The following MACROD2 variants were observed in gnomAD, a reference collection of about 807,000 sequenced individuals.
The protein encoded by MACROD2 is mono-ADP ribosylhydrolase 2, also known as ADP-ribose glycohydrolase MACROD2.
Under a neutral mutation model 70.4 loss-of-function variants are expected in MACROD2, and 36 were observed. The observed-to-expected ratio is 0.51, with a 90% CI of 0.39 to 0.68. The LOEUF is 0.68. MACROD2 is among the 30% of genes least tolerant of loss of function. MACROD2 has a pLI of 0.00. For synonymous variants in MACROD2, 172 were observed against 178.8 expected (o/e 0.96, Z 0.30); for missense variants, 496 against 538.4 (o/e 0.92, Z 0.78).
At chr20:15,550,522 T>C (rs2048081154) in intron 8 of MACROD2, among the ~76,000 whole-genome samples, 1 of 152,106 alleles carries the variant, frequency 6.6e-6, no homozygotes, top group Non-Finnish European at 1.5e-5. Flanking sequence ...CAGGATGGTG[T>C]CCTCCATATT....
chr20:14,632,104 G>T (rs536404132), intron 4 of MACROD2, among the ~76,000 whole-genome samples: 1 of 151,662 alleles, frequency 6.6e-6, no homozygotes, highest in South Asian at 2.1e-4. Context: ...CTGGCTATAA[G>T]GAATATTGAT....
At chr20:15,500,487 G>A (rs544163062) in intron 8 of MACROD2, among the ~76,000 whole-genome samples, 4 of 152,292 alleles carry the variant, frequency 2.6e-5, no homozygotes, top group African/African-American at 7.2e-5. Flanking sequence ...AGACCGTGGA[G>A]CGTTAAATTT....
At chr20:14,918,558 CT>C (rs1307759364) in intron 5 of MACROD2, among the ~76,000 whole-genome samples, 1 of 151,382 alleles carries the variant, frequency 6.6e-6, no homozygotes, top group African/African-American at 2.4e-5. Context: ...AAATGTATTC[CT>C]CTAAAGTCAT....
intron 5 of MACROD2, among the ~76,000 whole-genome samples, chr20:14,986,660 G>A (rs2074851508): frequency 6.6e-6 from 1 of 152,142 alleles, no homozygotes; most frequent in Non-Finnish European, 1.5e-5. Flanking sequence ...AAATCTTACT[G>A]TGAGCCTGAA....
intron 5 of MACROD2, among the ~76,000 whole-genome samples, chr20:14,980,398 C>G (rs1359533701): frequency 6.6e-6 from 1 of 152,124 alleles, no homozygotes; most frequent in Non-Finnish European, 1.5e-5. Flanking sequence ...ACCAGCAAGA[C>G]GGCCCTCACC....
intron 8 of MACROD2, among the ~76,000 whole-genome samples, chr20:15,676,946 C>G (rs1264253691): frequency 6.6e-6 from 1 of 152,180 alleles, no homozygotes; most frequent in Admixed American, 6.5e-5. Flanking sequence ...GGGTTCATCT[C>G]CTTGATGGGG....
chr20:15,982,470 C>T (rs2066415477), intron 13 of MACROD2, among the ~76,000 whole-genome samples: 1 of 152,056 alleles, frequency 6.6e-6, no homozygotes, highest in Admixed American at 6.5e-5. Flanking sequence ...ATGTGTGGAC[C>T]AGTCAGCTTC....
intron 5 of MACROD2, among the ~76,000 whole-genome samples, chr20:14,973,225 CTTTTTTTT>C (rs1223038135): frequency 1.2e-5 from 1 of 85,714 alleles, no homozygotes; most frequent in Admixed American, 1.4e-4. Flanking sequence ...TGAGTAGTTG[CTTTTTTTT>C]TTTTTTTTTT....
Position 15,691,948 on chromosome 20 carries a change from A to G in MACROD2, c.646-170797A>G, listed in dbSNP as rs550702319. ...CACCTGCAGAGAATATTCTGATCAT[A>G]TAGTTTTCAAGTACCGGACCTCGGT... On this transcript the variant is annotated intron_variant, in intron 8 of 17. Coordinates refer to ENST00000684519, the MANE Select transcript of MACROD2 (RefSeq NM_001351661.2). Among the ~76,000 whole-genome samples, 33 of 152,336 alleles carry G rather than the reference A, an allele frequency of 2.2e-4. 1 individual carries two copies. The highest frequency in any genetic ancestry group is 7.2e-4 in the African/African-American group (30 of 41,578).
In MACROD2 at chr20:15,338,161, C is replaced by T. The variant is rs148226551; in HGVS notation, c.541-93244C>T. Among the ~76,000 whole-genome samples the T allele has an allele frequency of 1.2e-3, 185 of 151,666 alleles. 7 individuals are homozygous for T. Among genetic ancestry groups the T allele is most frequent in the African/African-American group, 4.3e-3 (175 of 41,014 alleles). ...ATCTGCCTCTCTCTTCTCTTCTCCT[C>T]GCTAAACACAGACACAAACCCCAAT... On this transcript the variant is annotated intron_variant, in intron 6 of 17. Coordinates refer to ENST00000684519, the MANE Select transcript of MACROD2 (RefSeq NM_001351661.2).
At chr20:14,625,315 G>A (rs868168625) in intron 4 of MACROD2, among the ~76,000 whole-genome samples, 5 of 151,836 alleles carry the variant, frequency 3.3e-5, no homozygotes, top group South Asian at 2.1e-4. Flanking sequence ...TGACAAGAGC[G>A]AAACTCAGTC....
At chr20:13,996,650 C>G (rs1255831389) in intron 1 of MACROD2, among the ~76,000 whole-genome samples, 1 of 152,126 alleles carries the variant, frequency 6.6e-6, no homozygotes, top group Non-Finnish European at 1.5e-5. Flanking sequence ...GATCCAGCGT[C>G]TCCCACCAAG....
At chr20:14,793,946 T>G (rs960716586) in intron 5 of MACROD2, among the ~76,000 whole-genome samples, 3 of 152,066 alleles carry the variant, frequency 2.0e-5, no homozygotes, top group Non-Finnish European at 2.9e-5. Flanking sequence ...TTCTCCTGCC[T>G]GCCAGTTTCA....
chr20:14,498,431 T>C lies in MACROD2; in HGVS notation c.301+4923T>C, dbSNP rs954743197. Among the ~76,000 whole-genome samples, 2 of 152,246 alleles carry C rather than the reference T, an allele frequency of 1.3e-5. 1 individual carries two copies. Among genetic ancestry groups the C allele is most frequent in the Admixed American group, 1.3e-4 (2 of 15,280 alleles). On this transcript the variant is annotated intron_variant, in intron 4 of 17. Transcript: ENST00000684519. Reference sequence around the variant, plus strand: ...GTGCATACATTCATTCAGCAAATATTAATTGAGTTACTATTGTTTGTCAGT... The same window carrying C: ...GTGCATACATTCATTCAGCAAATATCAATTGAGTTACTATTGTTTGTCAGT...
intron 5 of MACROD2, among the ~76,000 whole-genome samples, chr20:15,141,139 G>A (rs984256069): frequency 2.0e-5 from 3 of 151,362 alleles, no homozygotes; most frequent in Non-Finnish European, 4.4e-5. Context: ...TTTGCATAAG[G>A]AGTGCATGTG....
At chr20:15,633,641 G>A (rs569381361) in intron 8 of MACROD2, among the ~76,000 whole-genome samples, 1 of 152,038 alleles carries the variant, frequency 6.6e-6, no homozygotes, top group African/African-American at 2.4e-5. Flanking sequence ...CTAGGACTGG[G>A]TTGCTATTAA....
intron 6 of MACROD2, among the ~76,000 whole-genome samples, chr20:15,306,639 T>C (rs1047937142): frequency 6.6e-6 from 1 of 152,060 alleles, no homozygotes; most frequent in African/African-American, 2.4e-5. Context: ...TATGTGAAAC[T>C]CTAACAGCAG....
intron 4 of MACROD2, among the ~76,000 whole-genome samples, chr20:14,616,643 T>C (rs1438147482): frequency 1.3e-5 from 2 of 152,090 alleles, no homozygotes; most frequent in Non-Finnish European, 2.9e-5. Flanking sequence ...CCTGGAATGA[T>C]ATAAATACTG....
intron 3 of MACROD2, among the ~76,000 whole-genome samples, chr20:14,265,683 A>G (rs181854650): frequency 3.3e-5 from 5 of 151,758 alleles, no homozygotes; most frequent in South Asian, 4.2e-4. Context: ...TGCCCCTACT[A>G]TATCTCACAT....
Sources: gnomAD v4.1 joint callset for allele counts (sites outside exome capture counted in the v4.1 genomes callset) on GRCh38, gnomAD v4.1.1 for gene constraint, MANE v1.5 for transcripts, NCBI Gene and HGNC (gene_info 2026-07-23, HGNC 2026-07-21) for gene names.